The following CPA6 variants were observed in gnomAD, a reference collection of about 807,000 sequenced individuals.
The protein encoded by CPA6 is carboxypeptidase A6.
Under a neutral mutation model 63.3 loss-of-function variants are expected in CPA6, and 58 were observed. The observed-to-expected ratio is 0.92, with a 90% CI of 0.74 to 1.14. The LOEUF (loss-of-function observed/expected upper bound fraction) is 1.14, where lower values mean the gene tolerates loss of function less well. Ranked by LOEUF, CPA6 falls within the 50% of genes most tolerant of loss-of-function variation. CPA6 has a pLI of 0.00. For synonymous variants in CPA6, 185 were observed against 179.0 expected (o/e 1.03, Z -0.27); for missense variants, 565 against 526.6 (o/e 1.07, Z -0.71).
chr8:67,653,644 T>C (rs906373964), intron 1 of CPA6, among the ~76,000 whole-genome samples: 2 of 152,184 alleles, frequency 1.3e-5, no homozygotes, highest in African/African-American at 4.8e-5. Flanking sequence ...GATTTTGGGC[T>C]GAGACAATGG....
chr8:67,448,671 AAAAAAAAAGAAAGAAAAAG>A (rs1295582198), intron 8 of CPA6, among the ~76,000 whole-genome samples: 9 of 147,564 alleles, frequency 6.1e-5, no homozygotes, highest in South Asian at 2.1e-4. Flanking sequence ...AACGAAAAAG[AAAAAAAAAGAAAGAAAAAG>A]AAAAAAAAGA....
intron 1 of CPA6, among the ~76,000 whole-genome samples, chr8:67,730,245 G>T (rs2129002900): frequency 6.6e-6 from 1 of 152,228 alleles, no homozygotes; most frequent in African/African-American, 2.4e-5. Context: ...CTTGGGTTTG[G>T]TTATTTGCTA....
rs184581828 is a variant in CPA6 at position 67,522,246 on chromosome 8, G to A, written c.193-4199C>T. 7.2e-5 allele frequency among the ~76,000 whole-genome samples: 11 copies of A among 152,238 alleles called. No homozygotes were observed. In the East Asian group the frequency reaches 9.7e-4, roughly 13 times the overall value. ...AGCCCATAAAAACACTGGACTCAGC[G>A]TCACAGATGGCTACCCACTTTCAGG... On this transcript the variant is annotated intron_variant, in intron 2 of 10. Transcript: ENST00000297770.
chr8:67,443,756 G>T (rs1219686391), intron 8 of CPA6, among the ~76,000 whole-genome samples: 1 of 152,160 alleles, frequency 6.6e-6, no homozygotes, highest in Non-Finnish European at 1.5e-5. Flanking sequence ...AGATTTGTAA[G>T]AGGCAAGTCT....
chr8:67,506,369 T>A (rs147016838), intron 6 of CPA6, among the ~76,000 whole-genome samples: 465 of 152,336 alleles, frequency 3.1e-3, no homozygotes, highest in African/African-American at 0.01. Flanking sequence ...TTCATCTCTT[T>A]ATTGTTAGAG....
intron 2 of CPA6, among the ~76,000 whole-genome samples, chr8:67,573,708 C>T (rs551078552): frequency 1.0e-3 from 159 of 151,460 alleles, no homozygotes; most frequent in African/African-American, 8.5e-4. Context: ...CTGGCTAACA[C>T]GGTGAAACCC....
intron 8 of CPA6, among the ~76,000 whole-genome samples, chr8:67,447,338 A>G (rs1396767200): frequency 2.0e-5 from 3 of 152,100 alleles, no homozygotes; most frequent in Non-Finnish European, 4.4e-5. Context: ...TCTCTTTACC[A>G]TGATGAAACA....
chr8:67,477,813 T>C (rs1811275740), intron 8 of CPA6, among the ~76,000 whole-genome samples: 1 of 152,216 alleles, frequency 6.6e-6, no homozygotes, highest in Non-Finnish European at 1.5e-5. Context: ...GCCTCTGAAA[T>C]TTAATGTGGA....
intron 6 of CPA6, among the ~76,000 whole-genome samples, chr8:67,503,579 A>T (rs951663894): frequency 6.7e-6 from 1 of 148,252 alleles, no homozygotes; most frequent in Admixed American, 6.9e-5. Context: ...AAGTGCTGGG[A>T]TTACAGGTGT....
chr8:67,611,014 C>CA (rs1554680089), intron 2 of CPA6, among the ~76,000 whole-genome samples: 1 of 150,306 alleles, frequency 6.7e-6, no homozygotes, highest in Non-Finnish European at 1.5e-5. Context: ...TAAGTACCTT[C>CA]TTTTTTTTTG....
chr8:67,739,144 C>T (rs1817867611), intron 1 of CPA6, among the ~76,000 whole-genome samples: 1 of 152,146 alleles, frequency 6.6e-6, no homozygotes, highest in African/African-American at 2.4e-5. Flanking sequence ...AACAATCCTC[C>T]TTCTACTAGC....
At chr8:67,727,134 GA>G (rs1210112274) in intron 1 of CPA6, among the ~76,000 whole-genome samples, 2 of 151,108 alleles carry the variant, frequency 1.3e-5, no homozygotes, top group African/African-American at 2.5e-5. Context: ...AGTAAATACA[GA>G]AAAAAGTATA....
chr8:67,494,334 G>A (rs1023252460), intron 6 of CPA6, among the ~76,000 whole-genome samples: 1 of 151,802 alleles, frequency 6.6e-6, no homozygotes, highest in African/African-American at 2.4e-5. Flanking sequence ...TTTATGCTTG[G>A]AAATGTCTTC....
intron 8 of CPA6, among the ~76,000 whole-genome samples, chr8:67,440,120 A>C (rs913589293): frequency 6.6e-6 from 1 of 152,202 alleles, no homozygotes; most frequent in Non-Finnish European, 1.5e-5. Flanking sequence ...CTTGAGGCTA[A>C]AAGTCTGGAA....
intron 1 of CPA6, among the ~76,000 whole-genome samples, chr8:67,708,053 C>G (rs1313878826): frequency 6.6e-6 from 1 of 152,102 alleles, no homozygotes; most frequent in African/African-American, 2.4e-5. Context: ...TCTGACAGGC[C>G]CAGGAGCCCC....
intron 8 of CPA6, among the ~76,000 whole-genome samples, chr8:67,473,599 ATTTTATTTTTAT>A (rs1404462358): frequency 6.6e-6 from 1 of 151,854 alleles, no homozygotes; most frequent in Non-Finnish European, 1.5e-5. Flanking sequence ...TTTTAAGGGG[ATTTTATTTTTAT>A]TTTTATTTTT....
At chr8:67,724,592 T>C (rs918189415) in intron 1 of CPA6, among the ~76,000 whole-genome samples, 3 of 152,170 alleles carry the variant, frequency 2.0e-5, no homozygotes, top group Admixed American at 1.3e-4. Context: ...TCTATGAGAA[T>C]TGAAAGCAAC....
intron 3 of CPA6, among the ~76,000 whole-genome samples, chr8:67,514,159 T>A (rs1237269412): frequency 6.6e-6 from 1 of 152,104 alleles, no homozygotes; most frequent in Non-Finnish European, 1.5e-5. Flanking sequence ...GGTTTCACCA[T>A]GTTGGCCAAG....
intron 1 of CPA6, among the ~76,000 whole-genome samples, chr8:67,735,861 C>T (rs1053302617): frequency 1.2e-4 from 19 of 152,204 alleles, no homozygotes; most frequent in African/African-American, 4.1e-4. Context: ...AAATCAGAAG[C>T]GTATGTTACG....
Sources: allele counts gnomAD v4.1 joint callset (sites outside exome capture counted in the v4.1 genomes callset), GRCh38; gene constraint gnomAD v4.1.1; transcripts MANE v1.5; gene names NCBI Gene and HGNC (gene_info 2026-07-23, HGNC 2026-07-21).